Variants in PTPRB observed in about 807,000 individuals in gnomAD.
The protein encoded by PTPRB is receptor-type tyrosine-protein phosphatase beta.
PTPRB carries 97 observed loss-of-function variants against 238.1 expected under a neutral mutation model. The ratio of observed to expected loss-of-function variants is 0.41; its 90% CI spans 0.35 to 0.48. PTPRB has a LOEUF of 0.48. Ranked by LOEUF, PTPRB falls within the 20% of genes least tolerant of loss-of-function variation. The pLI is 0.30. For missense variants in PTPRB, 2,292 were observed against 2,681.9 expected (o/e 0.85, Z 3.21); for synonymous variants, 970 against 995.4 (o/e 0.97, Z 0.48).
intron 9 of PTPRB, chr12:70,584,998 A>G (rs1881753949): frequency 6.8e-6 from 1 of 147,778 alleles, no homozygotes; most frequent in Admixed American, 6.9e-5. Context: ...TTCTCGCTCT[A>G]TCACCCAGGC....
chr12:70,576,764 G>A (rs1880824369), intron 10 of PTPRB, 119 bp from the exon 11 acceptor site: 1 of 618,796 alleles, frequency 1.6e-6, no homozygotes, highest in Non-Finnish European at 2.8e-6. Flanking sequence ...TCACTCAGGA[G>A]ATCTAATCTG....
At chr12:70,616,764 G>T (rs1343188990) in intron 3 of PTPRB, among the ~76,000 whole-genome samples, 1 of 152,110 alleles carries the variant, frequency 6.6e-6, no homozygotes, top group Non-Finnish European at 1.5e-5. Flanking sequence ...CGTCTGCCCA[G>T]GGAGACCAAT....
intron 9 of PTPRB, among the ~76,000 whole-genome samples, chr12:70,586,115 C>T (rs1229897246): frequency 2.0e-5 from 3 of 152,104 alleles, no homozygotes; most frequent in Non-Finnish European, 2.9e-5. Flanking sequence ...CATACGTGTG[C>T]ATGTGTCTTT....
At position 70,586,984 on chromosome 12, in the gene PTPRB, G is replaced by A. The variant is rs533459674; in HGVS notation, c.2311+23C>T. 11 of 1,592,388 alleles carry A rather than the reference G, an allele frequency of 6.9e-6. No homozygotes were observed. The African/African-American group carries it at 1.3e-4, about 20-fold the overall frequency. On this transcript the variant is annotated intron_variant, in intron 9 of 33. Coordinates refer to ENST00000334414, the MANE Select transcript of PTPRB (RefSeq NM_001109754.4). Reference sequence around the variant, plus strand: ...TTCAGCAGACAGAACACTTTAAAATGTAAAATTTATAAAGGTTACTACCTG... The same window carrying A: ...TTCAGCAGACAGAACACTTTAAAATATAAAATTTATAAAGGTTACTACCTG...
At chr12:70,559,928 C>T (rs1878264471) in intron 17 of PTPRB, among the ~76,000 whole-genome samples, 2 of 151,068 alleles carry the variant, frequency 1.3e-5, no homozygotes, top group Non-Finnish European at 2.9e-5. Context: ...CTCCGCTTCC[C>T]AGGTAGCTGG....
intron 31 of PTPRB, among the ~76,000 whole-genome samples, chr12:70,532,822 C>CTT (rs1873497596): frequency 1.3e-5 from 2 of 151,994 alleles, no homozygotes; most frequent in African/African-American, 2.4e-5. Flanking sequence ...AAAAAAAAGA[C>CTT]TTGTAGAGAT....
chr12:70,576,662 TGGGGG>T lies in PTPRB; in HGVS notation c.2579-22_2579-18del. On this transcript the variant is annotated intron_variant, in intron 10 of 33. Transcript: ENST00000334414. ...TGGAAGGGACTGTGATTTTGAAAGG[TGGGGG>T]GCGGGGGGGGGGGGGAAGGGGGATT... The T allele has an allele frequency of 6.8e-5, 1 of 14,782 alleles. No individual in the cohort carries two copies. Among genetic ancestry groups the T allele is most frequent in the Non-Finnish European group, 1.1e-4 (1 of 9,410 alleles). 0.9% of individuals were successfully genotyped at this position (14,782 alleles called of 1,614,324 possible).
At chr12:70,530,569 TATG>T (rs1216920364) in intron 32 of PTPRB, among the ~76,000 whole-genome samples, 4 of 152,242 alleles carry the variant, frequency 2.6e-5, no homozygotes, top group Admixed American at 6.5e-5. Context: ...GATGAGATAA[TATG>T]ATAAGTGGGA....
rs188684995 is a variant in PTPRB, at chr12:70,583,645, G to A, written c.2312-2343C>T. Among the ~76,000 whole-genome samples, 69 of 152,158 alleles carry A rather than the reference G, an allele frequency of 4.5e-4. 1 individual carries two copies. Among genetic ancestry groups the A allele is most frequent in the Admixed American group, 3.3e-3 (50 of 15,266 alleles). ...CTTCTTAATACTGGATGGAGAAAAC[G>A]ATTTCCTCTGAGAACTCATAACCTT... On this transcript the variant is annotated intron_variant, in intron 9 of 33. Coordinates refer to ENST00000334414, the MANE Select transcript of PTPRB (RefSeq NM_001109754.4).
intron 3 of PTPRB, among the ~76,000 whole-genome samples, chr12:70,615,091 C>A (rs1884619999): frequency 6.6e-6 from 1 of 152,026 alleles, no homozygotes; most frequent in Non-Finnish European, 1.5e-5. Context: ...CTAAAGGGCT[C>A]AATAAATATT....
At chr12:70,548,437 A>G (rs567354268) in intron 21 of PTPRB, among the ~76,000 whole-genome samples, 9 of 151,780 alleles carry the variant, frequency 5.9e-5, no homozygotes, top group Non-Finnish European at 1.2e-4. Flanking sequence ...GAACAAGAGG[A>G]TCTGAAGTCT....
chr12:70,579,810 G>T (rs910158971), intron 10 of PTPRB, among the ~76,000 whole-genome samples: 2 of 151,892 alleles, frequency 1.3e-5, no homozygotes, highest in Non-Finnish European at 2.9e-5. Flanking sequence ...TCTTCTCAGT[G>T]ACTTCATTGT....
intron 32 of PTPRB, among the ~76,000 whole-genome samples, chr12:70,529,704 TAAC>T (rs1219416586): frequency 6.6e-6 from 1 of 152,050 alleles, no homozygotes; most frequent in African/African-American, 2.4e-5. Flanking sequence ...TTTGATGAAA[TAAC>T]AGCGCTAGGC....
rs574221225 is a variant in PTPRB at position 70,599,489 on chromosome 12, C to A, written c.980-3162G>T. Among the ~76,000 whole-genome samples the A allele has an allele frequency of 5.2e-3, 787 of 151,978 alleles. 10 individuals are homozygous for A. The highest frequency in any genetic ancestry group is 0.018 in the African/African-American group (746 of 41,480). ...TATGAGAACTAATAATAAATCAAAT[C>A]AAAAAATAATAAATCAAAGCTTTAG... On this transcript the variant is annotated intron_variant, in intron 4 of 33. Coordinates refer to ENST00000334414, the MANE Select transcript of PTPRB (RefSeq NM_001109754.4).
Position 70,622,577 on chromosome 12 carries a change from A to C in PTPRB, c.521T>G (p.Phe174Cys). The change falls in exon 3 of 34, where the codon TTT becomes TGT. Residue 174 changes from phenylalanine (F) to cysteine (C), a missense_variant. Phe to Cys is a radical substitution (Grantham distance 205). Coordinates refer to ENST00000334414, the MANE Select transcript of PTPRB (RefSeq NM_001109754.4). ...NTAPPQILTTFNAVPDGLVFL... is the reference protein window; with the variant it reads ...NTAPPQILTTCNAVPDGLVFL... ...TACCAGGCCATCTGGAACTGCATTA[A>C]AGGTAGTGAGAATCTGGGGTGGAGC... is the stretch of plus-strand genomic sequence containing the variant. The C allele has an allele frequency of 6.3e-7, 1 of 1,596,982 alleles. No individual in the cohort carries two copies. Among genetic ancestry groups the C allele is most frequent in the Non-Finnish European group, 8.5e-7 (1 of 1,170,986 alleles).
At chr12:70,541,305 TTTATATAAAACA>T (rs1214124500) in intron 22 of PTPRB, 1 of 178,592 alleles carries the variant, frequency 5.6e-6, no homozygotes, top group African/African-American at 2.4e-5. Flanking sequence ...TGCCATTTCA[TTTATATAAAACA>T]TGTTACACAG....
chr12:70,529,713 TAGGC>T (rs1286291258), intron 32 of PTPRB, among the ~76,000 whole-genome samples: 1 of 152,118 alleles, frequency 6.6e-6, no homozygotes, highest in Non-Finnish European at 1.5e-5. Flanking sequence ...ATAACAGCGC[TAGGC>T]AGAGGTCATC....
rs1555234327 is a variant in PTPRB at position 70,596,355 on chromosome 12, A to ACACACACACACAC, written c.980-29_980-28insGTGTGTGTGTGTG. ...GCAAGGCAAATACACACACACACACAAAAAAAAAAAAGAAAGAAAAAGAAA... is the reference window on the plus strand; with the variant it reads ...GCAAGGCAAATACACACACACACACACACACACACACACAAAAAAAAAAAGAAAGAAAAAGAAA... On this transcript the variant is annotated intron_variant, in intron 4 of 33. Transcript: ENST00000334414. 50 of 926,604 alleles carry ACACACACACACAC rather than the reference A, an allele frequency of 5.4e-5. 1 individual carries two copies. In the African/African-American group the frequency reaches 1.2e-3, roughly 22 times the overall value. 57.4% of individuals were successfully genotyped at this position (926,604 alleles called of 1,614,324 possible). A position where few individuals can be genotyped will look rare whatever the true frequency, so the allele number is the denominator to read the frequency against.
Position 70,516,763 on chromosome 12 carries a change from T to C in PTPRB, c.*4726A>G, listed in dbSNP as rs1871225685. 1 of 152,230 alleles carries C rather than the reference T, an allele frequency of 6.6e-6. No homozygotes were observed. The highest frequency in any genetic ancestry group is 2.1e-4 in the South Asian group (1 of 4,836). The allele number at this position is 152,230 out of a possible 1,614,324, so 9.4% of individuals were successfully genotyped here. The stretch of plus-strand genomic sequence containing the variant: ...TTGAATAACTTATTTTGGTGTCTTA[T>C]ATAAGATCATGTGAATTGGCATAGA... On this transcript the variant is annotated 3_prime_UTR_variant, in exon 34 of 34. Transcript: ENST00000334414.
Sources: gnomAD v4.1 joint callset for allele counts (sites outside exome capture counted in the v4.1 genomes callset) on GRCh38, gnomAD v4.1.1 for gene constraint, MANE v1.5 for transcripts, NCBI Gene and HGNC (gene_info 2026-07-23, HGNC 2026-07-21) for gene names.